The following TTC39A variants were observed in gnomAD, a reference collection of about 807,000 sequenced individuals.
TTC39A encodes the protein tetratricopeptide repeat domain 39A, also known as tetratricopeptide repeat protein 39A.
TTC39A carries 46 observed loss-of-function variants against 82.3 expected under a neutral mutation model. The ratio of observed to expected loss-of-function variants is 0.56; its 90% CI spans 0.44 to 0.71. TTC39A has a LOEUF of 0.71. Ranked by LOEUF, TTC39A falls within the 30% of genes least tolerant of loss-of-function variation. The pLI is 0.00. For missense variants in TTC39A, 543 were observed against 712.9 expected, an observed-to-expected ratio of 0.76 and a Z score of 2.71; for synonymous variants, 254 against 275.2, an observed-to-expected ratio of 0.92 and a Z score of 0.76.
chr1:51,295,968 C>G, intron 13 of TTC39A, 111 bp downstream of exon 13: 4 of 1,240,730 alleles, frequency 3.2e-6, no homozygotes, highest in Non-Finnish European at 4.6e-6. Context: ...AGGGAGCCAC[C>G]CTACTCCTCC....
At chr1:51,336,362 T>C (rs887442054) in intron 1 of TTC39A, among the ~76,000 whole-genome samples, 7 of 151,994 alleles carry the variant, frequency 4.6e-5, no homozygotes, top group Admixed American at 4.6e-4. Flanking sequence ...TGTGGGGCAG[T>C]TTCCTCTTCC....
At chr1:51,326,492 C>T (rs997141906) in intron 1 of TTC39A, among the ~76,000 whole-genome samples, 1 of 152,048 alleles carries the variant, frequency 6.6e-6, no homozygotes, top group Non-Finnish European at 1.5e-5. Flanking sequence ...TGGAGACATC[C>T]GCCCCATTTG....
At chr1:51,338,548 AG>A (rs1646000171) in intron 1 of TTC39A, among the ~76,000 whole-genome samples, 1 of 150,134 alleles carries the variant, frequency 6.7e-6, no homozygotes, top group South Asian at 2.1e-4. Flanking sequence ...GGAGGAGAGA[AG>A]GGGAGAAGGG....
rs116432343 is a variant in TTC39A, at chr1:51,305,919, A to G, written c.588+58T>C. 498 of 1,539,972 alleles carry G rather than the reference A, an allele frequency of 3.2e-4. 3 individuals are homozygous for G. In the African/African-American group the frequency reaches 6.0e-3, roughly 19 times the overall value. On this transcript the variant is annotated intron_variant, in intron 7 of 17. Transcript: ENST00000680483. ...GGCAGTGACCACACATGAGTCAGGGACAGAAGGGGAGACTGAGCTCAAGCC... is the reference window on the plus strand; with the variant it reads ...GGCAGTGACCACACATGAGTCAGGGGCAGAAGGGGAGACTGAGCTCAAGCC...
Position 51,311,270 on chromosome 1 carries a change from G to T in TTC39A, c.407C>A (p.Ala136Asp). Residue 136 changes from alanine to aspartate, a missense_variant, in exon 5 of 18, where the codon GCC (alanine) becomes GAC (aspartate). Physicochemically the swap from Ala to Asp is moderately radical, Grantham distance 126. Transcript: ENST00000680483. ...CYAECLLQRA[A>D]LTFLQDENMV... is the part of the protein sequence containing the mutation. ...GGTCCCTACCTGCAGGAAGGTCAGG[G>T]CTGCTCGCTGCAGCAGGCACTCTGC... 1.3e-6 allele frequency: 2 copies of T among 1,585,376 alleles called. No homozygotes were observed.
Position 51,321,630 on chromosome 1 carries a change from T to G in TTC39A, c.146+91A>C, listed in dbSNP as rs1569962932. On this transcript the variant is annotated intron_variant, in intron 2 of 17. Coordinates refer to ENST00000680483, the MANE Select transcript of TTC39A (RefSeq NM_001297663.2). This position sits in a 1 kb window ranked among gnomAD's most constrained non-coding sequence, Gnocchi z 4.6. Reference sequence around the variant, plus strand: ...CTGGTGACCCAGAAAGCCAAAGGCATTTAGTTACACAGGGTTCCTCTCATA... The same window carrying G: ...CTGGTGACCCAGAAAGCCAAAGGCAGTTAGTTACACAGGGTTCCTCTCATA... The G allele has an allele frequency of 3.2e-6, 4 of 1,241,076 alleles. No homozygotes were observed. In the East Asian group the frequency reaches 7.6e-5, roughly 24 times the overall value. The allele number at this position is 1,241,076 out of a possible 1,614,324, so 76.9% of individuals were successfully genotyped here. A position where few individuals can be genotyped will look rare whatever the true frequency, so the allele number is the denominator to read the frequency against.
chr1:51,297,188 C>G (rs1340287143), intron 12 of TTC39A: 1 of 152,048 alleles, frequency 6.6e-6, no homozygotes, highest in Non-Finnish European at 1.5e-5. Context: ...GGAAGAGTCT[C>G]CCTCCCTGAA....
chr1:51,321,555 C>T lies in TTC39A; in HGVS notation c.146+166G>A, dbSNP rs1645518230. 2.6e-5 allele frequency among the ~76,000 whole-genome samples: 4 copies of T among 152,232 alleles called. No individual in the cohort carries two copies. On this transcript the variant is annotated intron_variant, in intron 2 of 17. Transcript: ENST00000680483. The surrounding 1 kb of genome is among the most constrained non-coding windows in gnomAD (Gnocchi z 4.6). Reference sequence around the variant, plus strand: ...ACCTTGGAGAGGGCCTGGCTGCACACAGGCCGTGGAATGGAGCTTGAGCCA... The same window carrying T: ...ACCTTGGAGAGGGCCTGGCTGCACATAGGCCGTGGAATGGAGCTTGAGCCA...
At chr1:51,317,102 C>CA (rs1645313273) in intron 2 of TTC39A, among the ~76,000 whole-genome samples, 1 of 152,192 alleles carries the variant, frequency 6.6e-6, no homozygotes, top group South Asian at 2.1e-4. Context: ...AAAGCAGAGG[C>CA]AAGGCGGGGA....
chr1:51,300,566 T>C (rs996311051), intron 12 of TTC39A: 2 of 152,230 alleles, frequency 1.3e-5, no homozygotes, highest in Admixed American at 6.5e-5. Context: ...GTCCTGTGTA[T>C]TTACAAATAA....
At chr1:51,343,941 T>C (rs902645306) in intron 1 of TTC39A, among the ~76,000 whole-genome samples, 1 of 152,074 alleles carries the variant, frequency 6.6e-6, no homozygotes, top group Non-Finnish European at 1.5e-5. Context: ...TTGGTCTGGT[T>C]TGTGCTTTAG....
intron 4 of TTC39A, 98 bp from the exon 5 acceptor site, chr1:51,311,419 A>T (rs1645078077): frequency 8.8e-7 from 1 of 1,130,430 alleles, no homozygotes. Flanking sequence ...AGCAAAGGGA[A>T]CCTATGTCAG....
At chr1:51,339,310 TG>T (rs1646008657) in intron 1 of TTC39A, among the ~76,000 whole-genome samples, 1 of 152,190 alleles carries the variant, frequency 6.6e-6, no homozygotes, top group Non-Finnish European at 1.5e-5. Context: ...CAGGGTGTCA[TG>T]GGGCAAAGGA....
chr1:51,309,489 A>G, intron 5 of TTC39A, 164 bp from the exon 6 acceptor site: 1 of 1,441,818 alleles, frequency 6.9e-7, no homozygotes, highest in Non-Finnish European at 9.1e-7. Context: ...TGGCCCAACA[A>G]AACCTCTAAA....
chr1:51,322,063 T>C lies in TTC39A; in HGVS notation c.42-238A>G. On this transcript the variant is annotated intron_variant, in intron 1 of 17. Coordinates refer to ENST00000680483, the MANE Select transcript of TTC39A (RefSeq NM_001297663.2). ...AATGTCATCAGAGATCTGTTGGAGG[T>C]GGGGGAGGGGCCAAGGGCAAGGTGC... The C allele has an allele frequency of 3.3e-6, 5 of 1,537,164 alleles. No individual in the cohort carries two copies. In the South Asian group the frequency reaches 6.1e-5, roughly 19 times the overall value.
chr1:51,312,014 G>C lies in TTC39A; in HGVS notation c.355+105C>G, dbSNP rs1439755934. On this transcript the variant is annotated intron_variant, in intron 4 of 17. Transcript: ENST00000680483. ...ATGTGTGTCCTGGCATGGACACCAG[G>C]GCCTGGCCCCCTAGGCGATGACAGG... is the stretch of plus-strand genomic sequence containing the variant. 4.1e-6 allele frequency: 5 copies of C among 1,229,360 alleles called. No individual in the cohort carries two copies. In the East Asian group the frequency reaches 1.3e-4, roughly 31 times the overall value. The allele number at this position is 1,229,360 out of a possible 1,614,324, so 76.2% of individuals were successfully genotyped here. A position where few individuals can be genotyped will look rare whatever the true frequency, so the allele number is the denominator to read the frequency against.
intron 14 of TTC39A, among the ~76,000 whole-genome samples, chr1:51,293,823 TTATTTGATCTTTCTACTAATC>T (rs1298008437): frequency 3.3e-5 from 5 of 152,160 alleles, no homozygotes; most frequent in African/African-American, 7.2e-5. Context: ...CCTGGGCAAG[TTATTTGATCTTTCTACTAATC>T]TATTAGGCCT....
intron 3 of TTC39A, 145 bp from the exon 4 acceptor site, chr1:51,312,340 T>C: frequency 3.5e-6 from 3 of 868,670 alleles, no homozygotes; most frequent in Non-Finnish European, 5.2e-6. Context: ...CAGAAGAGGT[T>C]TGATATTCTG....
intron 1 of TTC39A, chr1:51,343,195 A>G: frequency 2.6e-6 from 1 of 389,278 alleles, no homozygotes; most frequent in Admixed American, 2.6e-5. Flanking sequence ...CTCTGGGAAC[A>G]TGGGGACAAA....
Sources: gnomAD v4.1 joint callset for allele counts (sites outside exome capture counted in the v4.1 genomes callset) on GRCh38, gnomAD v4.1.1 for gene constraint, Gnocchi (gnomAD v3.1) non-coding constraint, MANE v1.5 for transcripts, NCBI Gene and HGNC (gene_info 2026-07-23, HGNC 2026-07-21) for gene names.